The following CACNA2D3 variants were observed in gnomAD, a reference collection of about 807,000 sequenced individuals.
CACNA2D3 encodes the protein voltage-dependent calcium channel subunit alpha-2/delta-3.
A neutral mutation model predicts 160.6 loss-of-function variants in CACNA2D3; 60 were observed. That is an observed-to-expected ratio of 0.37 (90% CI 0.30 to 0.46). The LOEUF (loss-of-function observed/expected upper bound fraction) is 0.46, where lower values mean the gene tolerates loss of function less well. Among genes scored for constraint, CACNA2D3 ranks in the 20% least tolerant of loss-of-function variants. CACNA2D3 has a pLI of 1.00. For missense variants in CACNA2D3, 1,205 were observed against 1,365.0 expected (o/e 0.88, Z 1.85); for synonymous variants, 558 against 492.9 (o/e 1.13, Z -1.75).
At chr3:54,616,627 C>T (rs1241650691) in intron 9 of CACNA2D3, among the ~76,000 whole-genome samples, 8 of 152,226 alleles carry the variant, frequency 5.3e-5, no homozygotes, top group Admixed American at 2.6e-4. Context: ...CCAAAAGGGA[C>T]GTCGATGTAG....
chr3:54,520,489 T>TAG (rs1391510756), intron 5 of CACNA2D3, among the ~76,000 whole-genome samples: 6 of 152,198 alleles, frequency 3.9e-5, no homozygotes, highest in Non-Finnish European at 8.8e-5. Flanking sequence ...CTTTTAGCTG[T>TAG]AGAGAGACAA....
At chr3:54,136,648 G>A (rs1300500968) in intron 2 of CACNA2D3, among the ~76,000 whole-genome samples, 1 of 152,190 alleles carries the variant, frequency 6.6e-6, no homozygotes, top group East Asian at 1.9e-4. Context: ...GCTGTGTCAC[G>A]CCTCTGTGCC....
intron 11 of CACNA2D3, among the ~76,000 whole-genome samples, chr3:54,729,855 T>G (rs1271263751): frequency 1.3e-5 from 2 of 151,778 alleles, no homozygotes; most frequent in African/African-American, 4.8e-5. Context: ...AAAAATAAGC[T>G]GGGCGTGATG....
At chr3:54,889,397 C>T (rs999975866) in intron 24 of CACNA2D3, among the ~76,000 whole-genome samples, 5 of 152,096 alleles carry the variant, frequency 3.3e-5, no homozygotes, top group African/African-American at 4.8e-5. Flanking sequence ...GACTTGGACC[C>T]GGGCAGTGGG....
At chr3:54,787,003 C>T (rs768640791) in intron 13 of CACNA2D3, among the ~76,000 whole-genome samples, 2 of 152,202 alleles carry the variant, frequency 1.3e-5, no homozygotes, top group Non-Finnish European at 2.9e-5. Flanking sequence ...TGAAATAACT[C>T]TGTGTTTGTT....
chr3:54,490,704 G>C (rs1490720354), intron 4 of CACNA2D3, among the ~76,000 whole-genome samples: 2 of 152,198 alleles, frequency 1.3e-5, no homozygotes, highest in African/African-American at 4.8e-5. Context: ...TGCATAGGTG[G>C]CTACCTGTCC....
At chr3:54,819,460 C>A (rs917272678) in intron 14 of CACNA2D3, among the ~76,000 whole-genome samples, 1 of 152,090 alleles carries the variant, frequency 6.6e-6, no homozygotes, top group African/African-American at 2.4e-5. Flanking sequence ...GACCTCTGCC[C>A]AATGTTTTGT....
Position 55,068,488 on chromosome 3 carries a change from T to G in CACNA2D3, c.2988-4957T>G, listed in dbSNP as rs980755738. Among the ~76,000 whole-genome samples, 5 of 152,338 alleles carry G rather than the reference T, an allele frequency of 3.3e-5. No homozygotes were observed. The South Asian group carries it at 1.0e-3, about 32-fold the overall frequency. ...TAGTCTAACATGAGTCATGGGTCAC[T>G]TAAGTGCTATCTATACCTAATACAT... On this transcript the variant is annotated intron_variant, in intron 35 of 37. Transcript: ENST00000474759.
chr3:55,016,906 C>T (rs903236775), intron 34 of CACNA2D3, among the ~76,000 whole-genome samples: 1 of 152,150 alleles, frequency 6.6e-6, no homozygotes, highest in African/African-American at 2.4e-5. Flanking sequence ...CCTGATCACC[C>T]CACAAGTGTT....
At chr3:54,761,866 CT>C (rs1162492690) in intron 12 of CACNA2D3, among the ~76,000 whole-genome samples, 7 of 152,128 alleles carry the variant, frequency 4.6e-5, no homozygotes, top group Admixed American at 2.6e-4. Context: ...ACCAGCTGGC[CT>C]TTGTTTGGAA....
At chr3:54,392,856 A>G (rs1343222343) in intron 4 of CACNA2D3, among the ~76,000 whole-genome samples, 1 of 152,078 alleles carries the variant, frequency 6.6e-6, no homozygotes, top group Non-Finnish European at 1.5e-5. Flanking sequence ...AACTTCTTTC[A>G]CCATCCACTA....
intron 17 of CACNA2D3, among the ~76,000 whole-genome samples, chr3:54,848,958 T>C (rs1390903419): frequency 1.3e-5 from 2 of 152,236 alleles, no homozygotes; most frequent in African/African-American, 2.4e-5. Context: ...CTTGTTTGTG[T>C]TTATTTTCTA....
intron 2 of CACNA2D3, among the ~76,000 whole-genome samples, chr3:54,150,689 G>A (rs183820005): frequency 6.6e-6 from 1 of 152,186 alleles, no homozygotes; most frequent in Non-Finnish European, 1.5e-5. Flanking sequence ...TGGAAGAGGC[G>A]TAAGTCATAC....
At chr3:54,643,212 C>G (rs187104805) in intron 11 of CACNA2D3, among the ~76,000 whole-genome samples, 5 of 152,302 alleles carry the variant, frequency 3.3e-5, no homozygotes, top group Admixed American at 3.3e-4. Flanking sequence ...ATTAAACACA[C>G]TGGTAAAAAG....
chr3:54,863,653 C>T (rs1412565109), intron 17 of CACNA2D3, among the ~76,000 whole-genome samples: 3 of 151,920 alleles, frequency 2.0e-5, no homozygotes, highest in African/African-American at 7.3e-5. Flanking sequence ...TCATGGCTAC[C>T]CAGAGGACAC....
intron 9 of CACNA2D3, among the ~76,000 whole-genome samples, chr3:54,617,450 G>A (rs1279187921): frequency 6.6e-6 from 1 of 152,096 alleles, no homozygotes; most frequent in Non-Finnish European, 1.5e-5. Flanking sequence ...TAAGTCAGAG[G>A]TCCCATTCTC....
At chr3:54,300,632 C>T (rs1206910447) in intron 2 of CACNA2D3, among the ~76,000 whole-genome samples, 1 of 152,148 alleles carries the variant, frequency 6.6e-6, no homozygotes, top group East Asian at 1.9e-4. Context: ...TTTGACTATG[C>T]TGCTTTCTGA....
intron 9 of CACNA2D3, among the ~76,000 whole-genome samples, chr3:54,585,764 G>A (rs994107803): frequency 6.6e-6 from 1 of 152,162 alleles, no homozygotes; most frequent in Non-Finnish European, 1.5e-5. Flanking sequence ...TCATGATTCA[G>A]TTACCTCCCA....
chr3:54,324,082 C>T (rs765773487), intron 3 of CACNA2D3, among the ~76,000 whole-genome samples: 8 of 152,198 alleles, frequency 5.3e-5, no homozygotes, highest in Non-Finnish European at 1.0e-4. Context: ...CACCTTTAGT[C>T]TGTGAAACTA....
Sources: gnomAD v4.1 joint callset for allele counts (sites outside exome capture counted in the v4.1 genomes callset) on GRCh38, gnomAD v4.1.1 for gene constraint, MANE v1.5 for transcripts, NCBI Gene and HGNC (gene_info 2026-07-23, HGNC 2026-07-21) for gene names.